INPP4A: variants seen among roughly 807,000 people sequenced by gnomAD.
INPP4A encodes inositol polyphosphate-4-phosphatase type I A.
In INPP4A, 33 loss-of-function variants were observed where a neutral mutation model predicts 119.8. The observed-to-expected ratio is 0.28, with a 90% CI of 0.21 to 0.37. INPP4A has a LOEUF of 0.37. Ranked by LOEUF, INPP4A falls within the 10% of genes least tolerant of loss-of-function variation. The probability of loss-of-function intolerance (pLI) is 1.00; values close to 1 mark genes in which losing one functional copy is unlikely to be tolerated. For missense variants in INPP4A, 956 were observed against 1,289.9 expected (o/e 0.74, Z 3.97); for synonymous variants, 496 against 500.7 (o/e 0.99, Z 0.12).
chr2:98,517,148 A>T (rs4851142), intron 1 of INPP4A, among the ~76,000 whole-genome samples: 1 of 151,846 alleles, frequency 6.6e-6, no homozygotes, highest in African/African-American at 2.4e-5. Flanking sequence ...GATGCCACAG[A>T]TTCGTTTGGC....
chr2:98,475,324 G>A (rs1179899616), intron 1 of INPP4A, among the ~76,000 whole-genome samples: 1 of 152,102 alleles, frequency 6.6e-6, no homozygotes. Context: ...GCCACAGAGG[G>A]GATTTAAGCC....
chr2:98,572,540 C>T (rs1315554469), intron 22 of INPP4A, among the ~76,000 whole-genome samples: 2 of 152,256 alleles, frequency 1.3e-5, no homozygotes, highest in Non-Finnish European at 2.9e-5. Context: ...TGGGTATTTA[C>T]AAGGAGTCCT....
intron 1 of INPP4A, among the ~76,000 whole-genome samples, chr2:98,479,089 A>G (rs1263225332): frequency 6.6e-6 from 1 of 152,136 alleles, no homozygotes; most frequent in Admixed American, 6.5e-5. Flanking sequence ...TGCTACTGCC[A>G]GTTCACAGAC....
intron 1 of INPP4A, among the ~76,000 whole-genome samples, chr2:98,504,540 C>G (rs967073098): frequency 1.4e-4 from 21 of 152,176 alleles, no homozygotes; most frequent in African/African-American, 4.8e-4. Context: ...GGTGCTGCCA[C>G]TTGGAGGCCT....
intron 4 of INPP4A, among the ~76,000 whole-genome samples, chr2:98,528,428 A>G (rs1470818943): frequency 6.6e-6 from 1 of 152,250 alleles, no homozygotes; most frequent in Non-Finnish European, 1.5e-5. Flanking sequence ...CAAGTGCACC[A>G]ATATACATAT....
intron 1 of INPP4A, among the ~76,000 whole-genome samples, chr2:98,482,659 A>G (rs1235790467): frequency 1.3e-5 from 2 of 152,230 alleles, no homozygotes; most frequent in Non-Finnish European, 2.9e-5. Context: ...TGCTGACAGT[A>G]GGCAAGTGTG....
At chr2:98,462,403 G>A (rs571585190) in intron 1 of INPP4A, among the ~76,000 whole-genome samples, 33 of 152,182 alleles carry the variant, frequency 2.2e-4, no homozygotes, top group South Asian at 4.1e-4. Context: ...AGCCGAGATC[G>A]TGCCACTGCA....
chr2:98,523,168 T>G (rs1333836119), intron 4 of INPP4A, among the ~76,000 whole-genome samples: 2 of 152,170 alleles, frequency 1.3e-5, no homozygotes. Flanking sequence ...TAACACAAAT[T>G]GAGCTAAAAT....
intron 5 of INPP4A, 111 bp from the exon 6 acceptor site, chr2:98,535,618 C>G (rs1182430124): frequency 1.6e-6 from 1 of 634,510 alleles, no homozygotes; most frequent in Non-Finnish European, 2.8e-6. Context: ...TGTGTTGATT[C>G]AAGGCAGTGA....
At chr2:98,449,549 C>T (rs1694866863) in intron 1 of INPP4A, among the ~76,000 whole-genome samples, 1 of 152,192 alleles carries the variant, frequency 6.6e-6, no homozygotes, top group Non-Finnish European at 1.5e-5. Flanking sequence ...TCTTCAAGGA[C>T]TCAGCTTATA....
chr2:98,536,255 T>G, intron 7 of INPP4A, 47 bp downstream of exon 7: 1 of 1,206,728 alleles, frequency 8.3e-7, no homozygotes, highest in Non-Finnish European at 1.2e-6. Context: ...AATCATGAGG[T>G]CCAGGGACAG....
intron 1 of INPP4A, among the ~76,000 whole-genome samples, chr2:98,497,987 C>T (rs1162946553): frequency 6.6e-6 from 1 of 152,292 alleles, no homozygotes; most frequent in Non-Finnish European, 1.5e-5. Flanking sequence ...TTTACAGGCT[C>T]ATAGGCAGAA....
intron 1 of INPP4A, among the ~76,000 whole-genome samples, chr2:98,460,392 G>A (rs1376573883): frequency 6.6e-6 from 1 of 152,110 alleles, no homozygotes; most frequent in Admixed American, 6.5e-5. Flanking sequence ...CAGGAAGGAG[G>A]CTCAGGAGAG....
chr2:98,562,542 G>T (rs1216402957), intron 17 of INPP4A, among the ~76,000 whole-genome samples: 1 of 152,168 alleles, frequency 6.6e-6, no homozygotes, highest in Non-Finnish European at 1.5e-5. Flanking sequence ...CTCACCCTAA[G>T]GGGCATGTAC....
In INPP4A at chr2:98,552,778, C is replaced by T; in HGVS notation, c.1164-8C>T. Reference sequence around the variant, plus strand: ...GAATCCCTTAGAATCCATTCTTATCCTTTCCAGTACATCATCTGGCTGCCA... The same window carrying T: ...GAATCCCTTAGAATCCATTCTTATCTTTTCCAGTACATCATCTGGCTGCCA... On this transcript the variant is annotated splice_polypyrimidine_tract_variant and splice_region_variant and intron_variant, in intron 13 of 24. Transcript: ENST00000409851. 6.2e-7 allele frequency: 1 copy of T among 1,606,622 alleles called. No individual in the cohort carries two copies. Among genetic ancestry groups the T allele is most frequent in the Non-Finnish European group, 8.5e-7 (1 of 1,173,348 alleles).
chr2:98,573,432 C>G (rs562639866), intron 23 of INPP4A, among the ~76,000 whole-genome samples: 4 of 152,348 alleles, frequency 2.6e-5, no homozygotes, highest in Admixed American at 2.6e-4. Flanking sequence ...GCTGGTCATT[C>G]ATTCACCCTT....
intron 1 of INPP4A, among the ~76,000 whole-genome samples, chr2:98,511,704 G>A (rs772659707): frequency 1.5e-4 from 23 of 152,122 alleles, no homozygotes; most frequent in Admixed American, 7.9e-4. Flanking sequence ...AACAGTAGTC[G>A]TAACTTCATT....
At chr2:98,565,938 A>G in intron 20 of INPP4A, 91 bp from the exon 21 acceptor site, 1 of 1,512,882 alleles carries the variant, frequency 6.6e-7, no homozygotes. Flanking sequence ...CAGTTTGGCC[A>G]TCACTAAGCC....
chr2:98,535,252 A>C (rs1361388463), intron 5 of INPP4A, among the ~76,000 whole-genome samples: 3 of 152,246 alleles, frequency 2.0e-5, no homozygotes, highest in Non-Finnish European at 4.4e-5. Context: ...AATTATTCCA[A>C]ACACAGGCTT....
Sources: allele counts gnomAD v4.1 joint callset (sites outside exome capture counted in the v4.1 genomes callset), GRCh38; gene constraint gnomAD v4.1.1; transcripts MANE v1.5; gene names NCBI Gene and HGNC (gene_info 2026-07-23, HGNC 2026-07-21).